Variants in DNAH7 observed in about 807,000 individuals in gnomAD.
DNAH7 encodes dynein axonemal heavy chain 7.
In DNAH7, 397 loss-of-function variants were observed where a neutral mutation model predicts 444.6. That is an observed-to-expected ratio of 0.89 (90% CI 0.82 to 0.97). The LOEUF (loss-of-function observed/expected upper bound fraction) is 0.97, where lower values mean the gene tolerates loss of function less well. Ranked by LOEUF, DNAH7 falls within the 50% of genes least tolerant of loss-of-function variation. The probability of loss-of-function intolerance (pLI) is 0.00; values close to 1 mark genes in which losing one functional copy is unlikely to be tolerated. For missense variants in DNAH7, 4,902 were observed against 4,800.8 expected, an observed-to-expected ratio of 1.02 and a Z score of -0.62; for synonymous variants, 1,636 against 1,624.4, an observed-to-expected ratio of 1.01 and a Z score of -0.17.
rs762002083 is a variant in DNAH7 at position 195,960,433 on chromosome 2, C to T, written c.2718G>A (p.Glu906=). 6.2e-7 allele frequency: 1 copy of T among 1,614,098 alleles called. No homozygotes were observed. Among genetic ancestry groups the T allele is most frequent in the Non-Finnish European group, 8.5e-7 (1 of 1,180,042 alleles). The change falls in exon 18 of 65, where the codon GAG becomes GAA. Residue 906 remains glutamate, a synonymous_variant. Coordinates refer to ENST00000312428, the MANE Select transcript of DNAH7 (RefSeq NM_018897.3). ...SKEYSLEKAM[E]KMITEWDAVE... ...CTGCATCCCACTCAGTAATCATCTTCTCCATCGCCTTTTCAAGAGAATATT... is the reference window on the plus strand; with the variant it reads ...CTGCATCCCACTCAGTAATCATCTTTTCCATCGCCTTTTCAAGAGAATATT...
chr2:195,786,996 GAT>G lies in DNAH7; in HGVS notation c.10878+12_10878+13del. 6.4e-7 allele frequency: 1 copy of G among 1,554,630 alleles called. No individual in the cohort carries two copies. Among genetic ancestry groups the G allele is most frequent in the South Asian group, 1.2e-5 (1 of 80,454 alleles). The stretch of plus-strand genomic sequence containing the variant: ...GCAACATAGGTAATGTCCTTGCTGT[GAT>G]TTTTATGATACCTCATACTGGTTCA... On this transcript the variant is annotated intron_variant, in intron 58 of 64. Transcript: ENST00000312428.
At chr2:196,026,445 T>A (rs576543585) in intron 7 of DNAH7, among the ~76,000 whole-genome samples, 2 of 152,292 alleles carry the variant, frequency 1.3e-5, no homozygotes, top group South Asian at 4.1e-4. Flanking sequence ...GGAGAGACTA[T>A]CTCCTAAATG....
chr2:195,954,737 T>A (rs1334571038), intron 19 of DNAH7, among the ~76,000 whole-genome samples: 1 of 152,196 alleles, frequency 6.6e-6, no homozygotes, highest in Non-Finnish European at 1.5e-5. Context: ...GCATGAGATG[T>A]TATCTCATTG....
chr2:195,992,281 C>G (rs1303824421), intron 12 of DNAH7, among the ~76,000 whole-genome samples: 1 of 152,182 alleles, frequency 6.6e-6, no homozygotes, highest in Admixed American at 6.5e-5. Flanking sequence ...CCTCTCGGAC[C>G]ACACTGATGT....
intron 58 of DNAH7, among the ~76,000 whole-genome samples, chr2:195,779,273 T>C (rs1695258360): frequency 6.6e-6 from 1 of 152,220 alleles, no homozygotes; most frequent in African/African-American, 2.4e-5. Flanking sequence ...AATTTTTTAG[T>C]GTGCTGAATC....
At chr2:195,778,594 G>A (rs1194487589) in intron 58 of DNAH7, among the ~76,000 whole-genome samples, 2 of 132,348 alleles carry the variant, frequency 1.5e-5, no homozygotes, top group African/African-American at 2.9e-5. Context: ...TCTCCAGCCT[G>A]GGTGACAGAG....
In DNAH7 at chr2:195,876,234, G is replaced by A. The variant is rs562810666; in HGVS notation, c.6117+310C>T. The stretch of plus-strand genomic sequence containing the variant: ...CACAGGTAAATCTATTGAGAGCTGT[G>A]TTGCTGAAGGTCTACAAAAGCAAGC... On this transcript the variant is annotated intron_variant, in intron 37 of 64. Coordinates refer to ENST00000312428, the MANE Select transcript of DNAH7 (RefSeq NM_018897.3). 2.0e-5 allele frequency among the ~76,000 whole-genome samples: 3 copies of A among 152,110 alleles called. No individual in the cohort carries two copies. The East Asian group carries it at 5.8e-4, about 30-fold the overall frequency.
At chr2:196,009,036 G>A (rs1307868151) in intron 10 of DNAH7, among the ~76,000 whole-genome samples, 1 of 152,106 alleles carries the variant, frequency 6.6e-6, no homozygotes, top group African/African-American at 2.4e-5. Context: ...AGAGCAAGGA[G>A]GAAGGTGCCA....
chr2:195,860,275 CAG>C (rs1404915047), intron 42 of DNAH7, among the ~76,000 whole-genome samples: 1 of 151,868 alleles, frequency 6.6e-6, no homozygotes, highest in Non-Finnish European at 1.5e-5. Flanking sequence ...ATTGTGAGTG[CAG>C]AGTCAAACAA....
intron 1 of DNAH7, among the ~76,000 whole-genome samples, chr2:196,061,554 T>TTCC (rs1698135471): frequency 1.3e-5 from 2 of 152,184 alleles, no homozygotes; most frequent in South Asian, 4.1e-4. Flanking sequence ...CCATCCTTGA[T>TTCC]TCCTCCCTTT....
intron 54 of DNAH7, among the ~76,000 whole-genome samples, chr2:195,803,968 C>T (rs1255054350): frequency 6.6e-6 from 1 of 152,028 alleles, no homozygotes; most frequent in Non-Finnish European, 1.5e-5. Flanking sequence ...TTTAGTGAGA[C>T]TCTTACATTT....
chr2:195,918,293 G>C (rs1176708698), intron 24 of DNAH7, among the ~76,000 whole-genome samples: 1 of 152,186 alleles, frequency 6.6e-6, no homozygotes, highest in African/African-American at 2.4e-5. Context: ...CACCAGATAG[G>C]AACTCTCATT....
At chr2:195,876,315 C>T (rs1231218456) in intron 37 of DNAH7, among the ~76,000 whole-genome samples, 3 of 152,160 alleles carry the variant, frequency 2.0e-5, no homozygotes, top group Admixed American at 6.5e-5. Flanking sequence ...TAGATAATTT[C>T]TCAGATGAAT....
chr2:195,777,839 G>A lies in DNAH7; in HGVS notation c.11025C>T (p.Phe3675=), dbSNP rs928283991. 4.3e-6 allele frequency: 7 copies of A among 1,613,550 alleles called. No individual in the cohort carries two copies. Among genetic ancestry groups the A allele is most frequent in the Admixed American group, 3.3e-5 (2 of 59,998 alleles). ...GAACAAAATAGATGCCACTTGAGTC[G>A]AACTTATAGTCTGAATTTTCAACTA... ...PELVENSDYK[F]DSSGIYFVPP... The change falls in exon 59 of 65, where the codon TTC becomes TTT. Residue 3675 remains phenylalanine, a synonymous_variant. Transcript: ENST00000312428.
Position 195,890,291 on chromosome 2 carries a change from G to T in DNAH7, c.5047-1310C>A, listed in dbSNP as rs368583037. Reference sequence around the variant, plus strand: ...AGATCAGCTTCCTCTCCTGCTGTGGGCTTCCCATGCCTGTTATGCATCACT... The same window carrying T: ...AGATCAGCTTCCTCTCCTGCTGTGGTCTTCCCATGCCTGTTATGCATCACT... On this transcript the variant is annotated intron_variant, in intron 31 of 64. Transcript: ENST00000312428. 8.5e-4 allele frequency among the ~76,000 whole-genome samples: 130 copies of T among 152,260 alleles called. 1 individual carries two copies. The highest frequency in any genetic ancestry group is 1.5e-3 in the Non-Finnish European group (102 of 68,022).
intron 24 of DNAH7, among the ~76,000 whole-genome samples, chr2:195,917,732 T>TA (rs1687775079): frequency 6.6e-6 from 1 of 152,174 alleles, no homozygotes; most frequent in Non-Finnish European, 1.5e-5. Flanking sequence ...CATGGCTCAC[T>TA]ACAGCCTCAA....
rs532391421 is a variant in DNAH7 at position 195,882,832 on chromosome 2, G to A, written c.5764-840C>T. ...ACCAGGCCTCACTGATGCACATGCTGGTCCCCCCACCCCGCTTCCCTGGGC... is the reference window on the plus strand; with the variant it reads ...ACCAGGCCTCACTGATGCACATGCTAGTCCCCCCACCCCGCTTCCCTGGGC... On this transcript the variant is annotated intron_variant, in intron 35 of 64. Coordinates refer to ENST00000312428, the MANE Select transcript of DNAH7 (RefSeq NM_018897.3). Among the ~76,000 whole-genome samples, 37 of 152,192 alleles carry A rather than the reference G, an allele frequency of 2.4e-4. No homozygotes were observed. In the South Asian group the frequency reaches 7.7e-3, roughly 32 times the overall value.
intron 5 of DNAH7, among the ~76,000 whole-genome samples, chr2:196,045,182 A>G (rs1194611032): frequency 6.8e-6 from 1 of 147,660 alleles, no homozygotes; most frequent in Non-Finnish European, 1.5e-5. Context: ...GGAGGAAGAG[A>G]AGAGGAGAAG....
At chr2:196,047,065 A>G (rs1247896939) in intron 5 of DNAH7, among the ~76,000 whole-genome samples, 9 of 152,036 alleles carry the variant, frequency 5.9e-5, no homozygotes, top group Non-Finnish European at 7.4e-5. Context: ...GGGAAAAAAA[A>G]CCTGCTAGAA....
Sources: gnomAD v4.1 joint callset for allele counts (sites outside exome capture counted in the v4.1 genomes callset) on GRCh38, gnomAD v4.1.1 for gene constraint, MANE v1.5 for transcripts, NCBI Gene and HGNC (gene_info 2026-07-23, HGNC 2026-07-21) for gene names.